Variants in ZMYM5 observed in about 807,000 individuals in gnomAD.
The protein encoded by ZMYM5 is zinc finger MYM-type protein 5.
Under a neutral mutation model 61.8 loss-of-function variants are expected in ZMYM5, and 41 were observed. The observed-to-expected ratio is 0.66, with a 90% CI of 0.52 to 0.86. The LOEUF is 0.86. ZMYM5 is among the 40% of genes least tolerant of loss of function. The pLI, the probability that ZMYM5 is intolerant of heterozygous loss-of-function variation, is 0.00. For synonymous variants in ZMYM5, 257 were observed against 276.4 expected, an observed-to-expected ratio of 0.93 and a Z score of 0.70; for missense variants, 706 against 786.7, an observed-to-expected ratio of 0.90 and a Z score of 1.23.
chr13:19,825,107 T>C lies in ZMYM5; in HGVS notation c.1380A>G (p.Pro460=). The change falls in exon 8 of 8, where the codon CCA becomes CCG. Residue 460 remains proline (P), a synonymous_variant. Coordinates refer to ENST00000337963, the MANE Select transcript of ZMYM5 (RefSeq NM_001142684.2). ...NTLLKKIEGI[P]EKKEKTSQLQ... is the part of the protein sequence containing the mutation. The stretch of plus-strand genomic sequence containing the variant: ...GCTGTGAAGTCTTTTCCTTTTTTTC[T>C]GGGATTCCCTCTATTTTTTTCAAAA... 7.3e-7 allele frequency: 1 copy of C among 1,366,460 alleles called. No individual in the cohort carries two copies. The highest frequency in any genetic ancestry group is 1.1e-5 in the South Asian group (1 of 87,714). 84.6% of individuals were successfully genotyped at this position (1,366,460 alleles called of 1,614,324 possible).
chr13:19,857,033 G>C (rs985682002), intron 2 of ZMYM5, among the ~76,000 whole-genome samples: 2 of 152,156 alleles, frequency 1.3e-5, no homozygotes, highest in Non-Finnish European at 2.9e-5. Flanking sequence ...GTGAACCCGG[G>C]AGGCGGAGCT....
intron 2 of ZMYM5, among the ~76,000 whole-genome samples, chr13:19,858,435 A>G (rs183489890): frequency 4.1e-4 from 62 of 151,546 alleles, no homozygotes; most frequent in Admixed American, 5.3e-4. Context: ...AAATACAAAA[A>G]TTAGCCAGGC....
chr13:19,851,331 G>A, intron 4 of ZMYM5, 24 bp downstream of exon 4: 1 of 1,578,400 alleles, frequency 6.3e-7, no homozygotes, highest in Non-Finnish European at 8.7e-7. Flanking sequence ...ACTTGAGGTA[G>A]AAACAGTATC....
chr13:19,851,672 C>T lies in ZMYM5; in HGVS notation c.492+17G>A. On this transcript the variant is annotated intron_variant, in intron 3 of 7. Transcript: ENST00000337963. Reference sequence around the variant, plus strand: ...CAATTCTGTAGTGATACCACTATTACCCATTCCTGCATTTACCTTACTTCT... The same window carrying T: ...CAATTCTGTAGTGATACCACTATTATCCATTCCTGCATTTACCTTACTTCT... 1 of 1,558,390 alleles carries T rather than the reference C, an allele frequency of 6.4e-7. No homozygotes were observed. Among genetic ancestry groups the T allele is most frequent in the Admixed American group, 2.0e-5 (1 of 49,098 alleles).
At chr13:19,825,502 C>T (rs959521996) in intron 7 of ZMYM5, among the ~76,000 whole-genome samples, 2 of 151,744 alleles carry the variant, frequency 1.3e-5, no homozygotes, top group African/African-American at 2.4e-5. Flanking sequence ...AAAAATTAGC[C>T]GGGCCACAGT....
In ZMYM5 at chr13:19,836,968, A is replaced by G. The variant is rs1017343508; in HGVS notation, c.1038+688T>C. 2.0e-5 allele frequency among the ~76,000 whole-genome samples: 3 copies of G among 150,526 alleles called. No homozygotes were observed. The East Asian group carries it at 5.8e-4, about 29-fold the overall frequency. On this transcript the variant is annotated intron_variant, in intron 6 of 7. Transcript: ENST00000337963. ...CGGGATCTGCTGCTTTCTAATTTTAACTTTTAGATTCAGGGAATACATGTG... is the reference window on the plus strand; with the variant it reads ...CGGGATCTGCTGCTTTCTAATTTTAGCTTTTAGATTCAGGGAATACATGTG...
At position 19,852,109 on chromosome 13, in the gene ZMYM5, C is replaced by T; in HGVS notation, c.72G>A (p.Met24Ile). 6.2e-7 allele frequency: 1 copy of T among 1,613,602 alleles called. No individual in the cohort carries two copies. The highest frequency in any genetic ancestry group is 8.5e-7 in the Non-Finnish European group (1 of 1,179,996). ...CCCCTATGTCCATGAGACTAGTTGCCATGGCCATATTCCCTAATAAAGCAG... is the reference window on the plus strand; with the variant it reads ...CCCCTATGTCCATGAGACTAGTTGCTATGGCCATATTCCCTAATAAAGCAG... ...QTPALLGNMA[M>I]ATSLMDIGDS... Residue 24 changes from methionine (M) to isoleucine (I), a missense_variant, in exon 3 of 8, where the codon ATG becomes ATA. Around this residue, in one of 2 missense-constraint regions of ZMYM5, gnomAD observed 480 missense variants for 461.7 expected, o/e 1.04. Transcript: ENST00000337963.
intron 4 of ZMYM5, among the ~76,000 whole-genome samples, chr13:19,850,058 C>G (rs1226956736): frequency 6.6e-6 from 1 of 151,824 alleles, no homozygotes; most frequent in Non-Finnish European, 1.5e-5. Context: ...CTTTTCAGTA[C>G]TTTCCTAAAA....
chr13:19,830,308 G>A (rs145064798), intron 7 of ZMYM5, among the ~76,000 whole-genome samples: 1,836 of 152,224 alleles, frequency 0.012, 38 homozygotes, highest in African/African-American at 0.04. Flanking sequence ...GAGTGGGGAA[G>A]CACATTTATA....
chr13:19,863,612 C>G lies in ZMYM5; in HGVS notation c.-241G>C, dbSNP rs1953861747. On this transcript the variant is annotated 5_prime_UTR_variant, in exon 1 of 8. Transcript: ENST00000337963. Reference sequence around the variant, plus strand: ...CGCTTCGGCGACAAGCACAACTCCGCGAGGTCCAGTCCCGGCTTTTCGCGC... The same window carrying G: ...CGCTTCGGCGACAAGCACAACTCCGGGAGGTCCAGTCCCGGCTTTTCGCGC... The G allele has an allele frequency of 6.5e-6, 1 of 152,728 alleles. No individual in the cohort carries two copies. The highest frequency in any genetic ancestry group is 2.1e-4 in the South Asian group (1 of 4,842). The allele number at this position is 152,728 out of a possible 1,614,324, so 9.5% of individuals were successfully genotyped here.
intron 2 of ZMYM5, among the ~76,000 whole-genome samples, chr13:19,861,333 G>T (rs1445492874): frequency 2.0e-5 from 3 of 152,016 alleles, no homozygotes; most frequent in Non-Finnish European, 4.4e-5. Context: ...ATTTTTTGTA[G>T]AGAAAGAGTT....
At chr13:19,830,591 T>A (rs751956712) in intron 7 of ZMYM5, among the ~76,000 whole-genome samples, 6 of 152,018 alleles carry the variant, frequency 3.9e-5, no homozygotes, top group Non-Finnish European at 7.4e-5. Context: ...TGGAGTGCAG[T>A]GGCACCATCT....
intron 2 of ZMYM5, among the ~76,000 whole-genome samples, chr13:19,859,899 T>A (rs58557529): frequency 1.4e-5 from 2 of 147,936 alleles, no homozygotes; most frequent in South Asian, 4.3e-4. Context: ...AGGTCAGGAG[T>A]TCGAGACCAG....
chr13:19,838,863 T>C lies in ZMYM5; in HGVS notation c.709A>G (p.Thr237Ala). ...NFQPTAQQQL[T>A]KPAKITCANC... ...GCACAAGTGATTTTAGCTGGTTTAG[T>C]AAGTTGTTGTTGGGCTGTAGGCTGG... Residue 237 changes from threonine to alanine, a missense_variant, in exon 5 of 8, where the codon ACT becomes GCT. This residue lies in a region of ZMYM5 where 480 missense variants were observed against 461.7 expected (regional missense o/e 1.04). Transcript: ENST00000337963. 6.2e-7 allele frequency: 1 copy of C among 1,614,148 alleles called. No individual in the cohort carries two copies. The highest frequency in any genetic ancestry group is 8.5e-7 in the Non-Finnish European group (1 of 1,180,038).
At chr13:19,860,364 C>T (rs2138668219) in intron 2 of ZMYM5, among the ~76,000 whole-genome samples, 1 of 150,622 alleles carries the variant, frequency 6.6e-6, no homozygotes, top group East Asian at 2.0e-4. Flanking sequence ...ACAATCTCGG[C>T]TCACCATAAC....
chr13:19,839,117 T>A lies in ZMYM5; in HGVS notation c.587-132A>T, dbSNP rs1952774297. The A allele has an allele frequency of 1.5e-5, 15 of 999,994 alleles. No individual in the cohort carries two copies. The South Asian group carries it at 2.3e-4, about 15-fold the overall frequency. The allele number at this position is 999,994 out of a possible 1,614,324, so 61.9% of individuals were successfully genotyped here. A position where few individuals can be genotyped will look rare whatever the true frequency, so the allele number is the denominator to read the frequency against. On this transcript the variant is annotated intron_variant, in intron 4 of 7. Coordinates refer to ENST00000337963, the MANE Select transcript of ZMYM5 (RefSeq NM_001142684.2). Reference sequence around the variant, plus strand: ...TAAACATGTGGTTAAGGCCAAACACTCTTGATGCACAATCCCAGGGGGACT... The same window carrying A: ...TAAACATGTGGTTAAGGCCAAACACACTTGATGCACAATCCCAGGGGGACT...
Position 19,835,698 on chromosome 13 carries a change from A to C in ZMYM5, c.1039-9T>G. The C allele has an allele frequency of 7.3e-7, 1 of 1,366,490 alleles. No homozygotes were observed. The highest frequency in any genetic ancestry group is 9.8e-7 in the Non-Finnish European group (1 of 1,021,166). 84.6% of individuals were successfully genotyped at this position (1,366,490 alleles called of 1,614,324 possible). A position where few individuals can be genotyped will look rare whatever the true frequency, so the allele number is the denominator to read the frequency against. On this transcript the variant is annotated splice_polypyrimidine_tract_variant and intron_variant, in intron 6 of 7. Coordinates refer to ENST00000337963, the MANE Select transcript of ZMYM5 (RefSeq NM_001142684.2). ...CTGACTTCATGGCGAATCTAAAAGA[A>C]AAACCAGAATTCATTAACTAAGATA...
In ZMYM5 at chr13:19,842,960, C is replaced by CAA. The variant is rs753799756; in HGVS notation, c.587-3977_587-3976dup. On this transcript the variant is annotated intron_variant, in intron 4 of 7. Transcript: ENST00000337963. ...GGGAGACAAGAGCCAAACTCCATCT[C>CAA]AAAAAAAAAAAAAAAAAAAAAAAAA... 1.6e-3 allele frequency among the ~76,000 whole-genome samples: 126 copies of CAA among 77,778 alleles called. 2 individuals are homozygous for CAA. The highest frequency in any genetic ancestry group is 4.6e-3 in the African/African-American group (96 of 20,824). The allele number at this position is 77,778 out of a possible 152,430, so 51.0% of individuals were successfully genotyped here.
In ZMYM5 at chr13:19,848,483, T is replaced by C. The variant is rs941233185; in HGVS notation, c.586+2872A>G. Reference sequence around the variant, plus strand: ...TTTTTAAAGACATTAGGTCTTGCTATGTTGCCCAGACTGGACTCAAACTCC... The same window carrying C: ...TTTTTAAAGACATTAGGTCTTGCTACGTTGCCCAGACTGGACTCAAACTCC... On this transcript the variant is annotated intron_variant, in intron 4 of 7. Transcript: ENST00000337963. 3.3e-5 allele frequency among the ~76,000 whole-genome samples: 5 copies of C among 151,704 alleles called. No individual in the cohort carries two copies. In the South Asian group the frequency reaches 6.2e-4, roughly 19 times the overall value.
Sources: gnomAD v4.1 joint callset for allele counts (sites outside exome capture counted in the v4.1 genomes callset) on GRCh38, gnomAD v4.1.1 for gene constraint, gnomAD v4.1.1 regional missense constraint, MANE v1.5 for transcripts, NCBI Gene and HGNC (gene_info 2026-07-23, HGNC 2026-07-21) for gene names.